Variants in TSGA10 observed in about 807,000 individuals in gnomAD.
The protein encoded by TSGA10 is testis specific 10.
In TSGA10, 43 loss-of-function variants were observed where a neutral mutation model predicts 96.6. The observed-to-expected ratio is 0.44, with a 90% CI of 0.35 to 0.57. The LOEUF is 0.57. Ranked by LOEUF, TSGA10 falls within the 20% of genes least tolerant of loss-of-function variation. The pLI is 0.01. For synonymous variants in TSGA10, 229 were observed against 269.9 expected (o/e 0.85, Z 1.48); for missense variants, 703 against 834.4 (o/e 0.84, Z 1.94).
At chr2:99,077,474 AAC>A (rs2086856387) in intron 12 of TSGA10, among the ~76,000 whole-genome samples, 1 of 152,214 alleles carries the variant, frequency 6.6e-6, no homozygotes, top group Admixed American at 6.5e-5. Flanking sequence ...TATTTGTGAA[AAC>A]AGCTTAGGAA....
At chr2:99,089,735 C>T (rs1208457734) in intron 10 of TSGA10, among the ~76,000 whole-genome samples, 2 of 152,126 alleles carry the variant, frequency 1.3e-5, no homozygotes, top group African/African-American at 4.8e-5. Flanking sequence ...ACTCCCATCC[C>T]CCAGAGCAGT....
rs554140698 is a variant in TSGA10 at position 99,010,356 on chromosome 2, T to A, written c.2072+7844A>T. Among the ~76,000 whole-genome samples the A allele has an allele frequency of 1.8e-4, 27 of 152,304 alleles. No homozygotes were observed. In the South Asian group the frequency reaches 5.4e-3, roughly 30 times the overall value. On this transcript the variant is annotated intron_variant, in intron 20 of 20. Coordinates refer to ENST00000393483, the MANE Select transcript of TSGA10 (RefSeq NM_025244.4). The stretch of plus-strand genomic sequence containing the variant: ...CAGGAAAACCAAAAGAATTCACATA[T>A]CCTTCGAAAGAAGTGGCATGCTGCT...
intron 2 of TSGA10, chr2:99,126,616 T>C (rs1274383023): frequency 6.5e-6 from 1 of 154,862 alleles, no homozygotes; most frequent in African/African-American, 2.4e-5. Flanking sequence ...ATATTACATG[T>C]CAAGCATCAG....
chr2:99,131,718 C>A (rs1286115642), intron 1 of TSGA10, among the ~76,000 whole-genome samples: 1 of 152,110 alleles, frequency 6.6e-6, no homozygotes, highest in Non-Finnish European at 1.5e-5. Context: ...GGGAATGCTT[C>A]CAGGTTTTGT....
At chr2:99,112,920 C>T (rs2091941250) in intron 4 of TSGA10, among the ~76,000 whole-genome samples, 1 of 148,230 alleles carries the variant, frequency 6.7e-6, no homozygotes, top group African/African-American at 2.5e-5. Flanking sequence ...ACACAGCGGG[C>T]TCTGAAATAC....
chr2:99,080,473 T>C (rs921851284), intron 11 of TSGA10, among the ~76,000 whole-genome samples: 7 of 152,218 alleles, frequency 4.6e-5, no homozygotes, highest in African/African-American at 1.7e-4. Flanking sequence ...ATATCATTTA[T>C]ATGCTGATGT....
Position 98,998,133 on chromosome 2 carries a change from A to C in TSGA10, c.*64T>G, listed in dbSNP as rs2077598916. On this transcript the variant is annotated 3_prime_UTR_variant, in exon 21 of 21. Transcript: ENST00000393483. ...TAAAAGATAAATGCACTCATGTAGC[A>C]AAAAAAAAAAAATCAGTTTGTAACT... 3.6e-6 allele frequency: 1 copy of C among 280,676 alleles called. No homozygotes were observed. Among genetic ancestry groups the C allele is most frequent in the East Asian group, 1.2e-4 (1 of 8,296 alleles). 17.4% of individuals were successfully genotyped at this position (280,676 alleles called of 1,614,324 possible).
chr2:99,079,856 AT>A (rs1308334387), intron 11 of TSGA10, among the ~76,000 whole-genome samples: 3 of 152,158 alleles, frequency 2.0e-5, no homozygotes, highest in Non-Finnish European at 4.4e-5. Flanking sequence ...GCTATGGGAG[AT>A]AATACCATAT....
chr2:99,087,021 A>G (rs983262363), intron 10 of TSGA10, among the ~76,000 whole-genome samples: 16 of 151,916 alleles, frequency 1.1e-4, no homozygotes, highest in Admixed American at 2.6e-4. Context: ...TGGCTAACAC[A>G]GTGAAACCCC....
intron 10 of TSGA10, chr2:99,102,321 G>T: frequency 6.2e-7 from 1 of 1,611,890 alleles, no homozygotes; most frequent in Non-Finnish European, 8.5e-7. Context: ...AGAAGGGAGT[G>T]GTGAGAGTGA....
At chr2:99,020,800 G>T (rs1478422637) in intron 17 of TSGA10, among the ~76,000 whole-genome samples, 1 of 151,926 alleles carries the variant, frequency 6.6e-6, no homozygotes, top group Non-Finnish European at 1.5e-5. Context: ...GATGATATCT[G>T]TGAGCACTGC....
chr2:99,147,489 TTAAGG>T (rs1255761019), intron 1 of TSGA10: 9 of 1,613,912 alleles, frequency 5.6e-6, no homozygotes, highest in Admixed American at 3.3e-5. Context: ...TCTGGGGAAG[TTAAGG>T]TAAGACTCAC....
chr2:99,023,868 G>A (rs2080278033), intron 17 of TSGA10, among the ~76,000 whole-genome samples: 2 of 152,012 alleles, frequency 1.3e-5, no homozygotes, highest in South Asian at 4.2e-4. Context: ...GATTGTTTTG[G>A]CTATTCACTT....
intron 3 of TSGA10, among the ~76,000 whole-genome samples, chr2:99,117,962 T>A (rs1027743336): frequency 2.6e-5 from 4 of 152,170 alleles, no homozygotes; most frequent in African/African-American, 9.7e-5. Flanking sequence ...TTTTAAATTT[T>A]ATAGCAATAT....
At chr2:99,055,384 A>G (rs774728529) in intron 16 of TSGA10, among the ~76,000 whole-genome samples, 1 of 152,150 alleles carries the variant, frequency 6.6e-6, no homozygotes, top group African/African-American at 2.4e-5. Flanking sequence ...AGCTTCAGTT[A>G]GACAGAAAGA....
intron 17 of TSGA10, among the ~76,000 whole-genome samples, chr2:99,026,009 G>A (rs1206943227): frequency 6.6e-6 from 1 of 152,170 alleles, no homozygotes; most frequent in East Asian, 1.9e-4. Context: ...ATGGCCTAAT[G>A]TATGATCTAT....
intron 16 of TSGA10, 50 bp downstream of exon 16, chr2:99,064,889 C>G: frequency 6.8e-7 from 1 of 1,462,680 alleles, no homozygotes; most frequent in Non-Finnish European, 9.1e-7. Context: ...AAACAAAACT[C>G]TTTTAAATAT....
chr2:99,081,025 G>C (rs1019697615), intron 11 of TSGA10, among the ~76,000 whole-genome samples: 1 of 151,990 alleles, frequency 6.6e-6, no homozygotes. Flanking sequence ...AGTTATCATC[G>C]TAAGTTTACA....
intron 16 of TSGA10, among the ~76,000 whole-genome samples, chr2:99,041,783 A>C (rs1024976356): frequency 6.6e-6 from 1 of 152,212 alleles, no homozygotes; most frequent in African/African-American, 2.4e-5. Context: ...CTTCATTACC[A>C]AGAACACAAA....
Sources: allele counts gnomAD v4.1 joint callset (sites outside exome capture counted in the v4.1 genomes callset), GRCh38; gene constraint gnomAD v4.1.1; transcripts MANE v1.5; gene names NCBI Gene and HGNC (gene_info 2026-07-23, HGNC 2026-07-21).